Variants in SCUBE2 observed in about 807,000 individuals in gnomAD.
The protein encoded by SCUBE2 is signal peptide, CUB and EGF-like domain-containing protein 2.
SCUBE2 carries 114 observed loss-of-function variants against 125.9 expected under a neutral mutation model. The ratio of observed to expected loss-of-function variants is 0.91; its 90% CI spans 0.78 to 1.06. The LOEUF (loss-of-function observed/expected upper bound fraction) is 1.06, where lower values mean the gene tolerates loss of function less well. Among genes scored for constraint, SCUBE2 ranks in the 50% least tolerant of loss-of-function variants. The pLI is 0.00. For missense variants in SCUBE2, 1,255 were observed against 1,301.8 expected, an observed-to-expected ratio of 0.96 and a Z score of 0.55; for synonymous variants, 459 against 492.9, an observed-to-expected ratio of 0.93 and a Z score of 0.91.
Position 9,053,081 on chromosome 11 carries a change from G to C in SCUBE2, c.1447+18C>G. 1 of 1,604,148 alleles carries C rather than the reference G, an allele frequency of 6.2e-7. No homozygotes were observed. The highest frequency in any genetic ancestry group is 8.5e-7 in the Non-Finnish European group (1 of 1,170,994). On this transcript the variant is annotated intron_variant, in intron 12 of 22. Coordinates refer to ENST00000649792, the MANE Select transcript of SCUBE2 (RefSeq NM_001367977.2). ...GCCCCAGTGTGAGGACCTGCCCCGG[G>C]AACTGGGCCCCACTCACCTGAAGAG...
Position 9,091,256 on chromosome 11 carries a change from G to C in SCUBE2, c.133+140C>G, listed in dbSNP as rs112006375. 7.5e-6 allele frequency: 4 copies of C among 532,300 alleles called. No individual in the cohort carries two copies. The highest frequency in any genetic ancestry group is 9.3e-5 in the South Asian group (1 of 10,720). 33.0% of individuals were successfully genotyped at this position (532,300 alleles called of 1,614,324 possible). A position where few individuals can be genotyped will look rare whatever the true frequency, so the allele number is the denominator to read the frequency against. ...TGGCCCGGCCGGCGGGTGAGGTCCC[G>C]GGGGGAGCAGAGGCCCCCGCGGAGC... On this transcript the variant is annotated intron_variant, in intron 1 of 22. Coordinates refer to ENST00000649792, the MANE Select transcript of SCUBE2 (RefSeq NM_001367977.2). This position sits in a 1 kb window ranked among gnomAD's most constrained non-coding sequence, Gnocchi z 8.5.
In SCUBE2 at chr11:9,080,425, G is replaced by C. The variant is rs1436962634; in HGVS notation, c.257-916C>G. On this transcript the variant is annotated intron_variant, in intron 2 of 22. Transcript: ENST00000649792. ...GGGTGCACTTTGGGAGCCTGAGCCA[G>C]GAGGATCAATTGAGCCCAGGAGTTG... Among the ~76,000 whole-genome samples the C allele has an allele frequency of 7.9e-5, 12 of 152,154 alleles. No individual in the cohort carries two copies. In the South Asian group the frequency reaches 2.1e-3, roughly 26 times the overall value.
At chr11:9,060,623 G>T (rs1859586422) in intron 7 of SCUBE2, 99 bp from the exon 8 acceptor site, 1 of 929,058 alleles carries the variant, frequency 1.1e-6, no homozygotes, top group Non-Finnish European at 1.7e-6. Flanking sequence ...GGTACTCATG[G>T]TCATACCCCA....
Position 9,090,489 on chromosome 11 carries a change from A to ATTTATTTTT in SCUBE2, c.134-661_134-660insAAAAATAAA, listed in dbSNP as rs377724235. ...AGATTTTTTTTTTATTTATTTATTT[A>ATTTATTTTT]TTTTTTTTTTTTGCTCATCAGCTGT... On this transcript the variant is annotated intron_variant, in intron 1 of 22. Transcript: ENST00000649792. 95 of 141,970 alleles carry ATTTATTTTT rather than the reference A, an allele frequency of 6.7e-4. 1 individual carries two copies. The highest frequency in any genetic ancestry group is 3.6e-3 in the East Asian group (15 of 4,198). 8.8% of individuals were successfully genotyped at this position (141,970 alleles called of 1,614,324 possible). A position where few individuals can be genotyped will look rare whatever the true frequency, so the allele number is the denominator to read the frequency against.
At chr11:9,037,353 G>C (rs915051235) in intron 16 of SCUBE2, among the ~76,000 whole-genome samples, 3 of 152,154 alleles carry the variant, frequency 2.0e-5, no homozygotes, top group African/African-American at 7.2e-5. Flanking sequence ...AAAAAGATAC[G>C]AGAAAGCTTT....
At chr11:9,066,853 T>G in intron 5 of SCUBE2, 40 bp from the exon 6 acceptor site, 12 of 1,504,610 alleles carry the variant, frequency 8.0e-6, no homozygotes, top group Non-Finnish European at 1.0e-5. Context: ...CACTGAGATT[T>G]CCACAAACAC....
intron 3 of SCUBE2, among the ~76,000 whole-genome samples, chr11:9,077,158 A>G (rs1279547491): frequency 6.6e-6 from 1 of 152,226 alleles, no homozygotes; most frequent in Non-Finnish European, 1.5e-5. Context: ...GAGCTTCTCC[A>G]GACCATAAAA....
chr11:9,052,869 A>T lies in SCUBE2; in HGVS notation c.1448-37T>A, dbSNP rs118044745. On this transcript the variant is annotated intron_variant, in intron 12 of 22. Coordinates refer to ENST00000649792, the MANE Select transcript of SCUBE2 (RefSeq NM_001367977.2). Reference sequence around the variant, plus strand: ...AATGTCAATTGTCAAATGCATAAGCAAGGTCACAGGCTATCCTGGTAGCAG... The same window carrying T: ...AATGTCAATTGTCAAATGCATAAGCTAGGTCACAGGCTATCCTGGTAGCAG... 1.5e-3 allele frequency: 2,212 copies of T among 1,472,350 alleles called. 6 individuals carry two copies. Among genetic ancestry groups the T allele is most frequent in the South Asian group, 4.3e-3 (357 of 82,590 alleles). The allele number at this position is 1,472,350 out of a possible 1,614,324, so 91.2% of individuals were successfully genotyped here. A position where few individuals can be genotyped will look rare whatever the true frequency, so the allele number is the denominator to read the frequency against.
chr11:9,054,725 A>ATATAT (rs1368153935), intron 10 of SCUBE2, among the ~76,000 whole-genome samples: 5 of 22,348 alleles, frequency 2.2e-4, no homozygotes, highest in East Asian at 3.2e-3. Context: ...ATATATATAT[A>ATATAT]TTTTTTTTTT....
At chr11:9,052,720 A>G in intron 13 of SCUBE2, 26 bp downstream of exon 13, 1 of 1,499,366 alleles carries the variant, frequency 6.7e-7, no homozygotes. Flanking sequence ...GAGCCCCCAG[A>G]GAGAACACGC....
Position 9,091,134 on chromosome 11 carries a change from G to A in SCUBE2, c.133+262C>T, listed in dbSNP as rs912356702. Reference sequence around the variant, plus strand: ...CTCGCCGGCGACGGTCTGACTAGCAGGCGCTCTGGAGGCATCCGGACCGGG... The same window carrying A: ...CTCGCCGGCGACGGTCTGACTAGCAAGCGCTCTGGAGGCATCCGGACCGGG... On this transcript the variant is annotated intron_variant, in intron 1 of 22. Transcript: ENST00000649792. The surrounding 1 kb of genome is among the most constrained non-coding windows in gnomAD (Gnocchi z 8.5). 6.6e-6 allele frequency among the ~76,000 whole-genome samples: 1 copy of A among 152,202 alleles called. No individual in the cohort carries two copies. Among genetic ancestry groups the A allele is most frequent in the African/African-American group, 2.4e-5 (1 of 41,460 alleles).
At chr11:9,089,241 C>T (rs1218366802) in intron 2 of SCUBE2, among the ~76,000 whole-genome samples, 3 of 152,164 alleles carry the variant, frequency 2.0e-5, no homozygotes, top group Admixed American at 6.5e-5. Flanking sequence ...CGTCACAATG[C>T]CAAACATTGT....
chr11:9,048,046 G>C lies in SCUBE2; in HGVS notation c.1692C>G (p.Ser564Arg), dbSNP rs1351317278. The C allele has an allele frequency of 6.2e-7, 1 of 1,614,174 alleles. No individual in the cohort carries two copies. The highest frequency in any genetic ancestry group is 1.7e-5 in the Admixed American group (1 of 60,030). Residue 564 changes from serine (S) to arginine (R), a missense_variant, in exon 15 of 23, where the codon AGC becomes AGG. This residue lies in a region of SCUBE2 where 378 missense variants were observed against 463.1 expected (regional missense o/e 0.82). Coordinates refer to ENST00000649792, the MANE Select transcript of SCUBE2 (RefSeq NM_001367977.2). ...ESFRYVNLTC[S>R]SGKQVPGAPG... ...GGGCTCCTGGGACTTGCTTGCCAGA[G>C]CTGCATGTAAGGTTTACGTAGCGGA...
chr11:9,021,828 G>T (rs202120189), intron 22 of SCUBE2, 48 bp downstream of exon 22: 3 of 1,373,848 alleles, frequency 2.2e-6, no homozygotes, highest in Admixed American at 3.3e-5. Flanking sequence ...AACAGTACTC[G>T]GGAAGCTCTG....
intron 16 of SCUBE2, among the ~76,000 whole-genome samples, chr11:9,041,423 C>T (rs77193562): frequency 0.02 from 2,971 of 152,136 alleles, 43 homozygotes; most frequent in Non-Finnish European, 0.032. Context: ...GGATTCAACC[C>T]TAGGATAATC....
chr11:9,034,447 G>A (rs1156552159), intron 16 of SCUBE2, among the ~76,000 whole-genome samples: 1 of 152,190 alleles, frequency 6.6e-6, no homozygotes, highest in Non-Finnish European at 1.5e-5. Flanking sequence ...GTCAGGCATG[G>A]TGGTGTGCGT....
chr11:9,065,895 G>A lies in SCUBE2; in HGVS notation c.846C>T (p.Leu282=), dbSNP rs1290549528. The A allele has an allele frequency of 5.6e-6, 9 of 1,613,836 alleles. No individual in the cohort carries two copies. Among genetic ancestry groups the A allele is most frequent in the African/African-American group, 1.3e-5 (1 of 74,918 alleles). ...DGDKRVKRRL[L]METCAVNNGG... ...AAAGGGAGTGAAGGTGCCTACCCAT[G>A]AGCAGCCGCCGTTTCACCCGTTTAT... Residue 282 remains leucine, a synonymous_variant, in exon 7 of 23, where the codon CTC becomes CTT. Coordinates refer to ENST00000649792, the MANE Select transcript of SCUBE2 (RefSeq NM_001367977.2).
intron 9 of SCUBE2, among the ~76,000 whole-genome samples, chr11:9,057,657 T>C (rs1462965055): frequency 2.0e-5 from 3 of 151,084 alleles, no homozygotes; most frequent in Non-Finnish European, 4.4e-5. Context: ...TAGCTGGGAT[T>C]ACAGGTGCCC....
intron 7 of SCUBE2, chr11:9,064,455 G>C (rs1860003653): frequency 7.0e-6 from 1 of 143,070 alleles, no homozygotes; most frequent in African/African-American, 2.6e-5. Flanking sequence ...GCAACAGAGT[G>C]AGACTCTGTC....
Sources: gnomAD v4.1 joint callset for allele counts (sites outside exome capture counted in the v4.1 genomes callset) on GRCh38, gnomAD v4.1.1 for gene constraint, gnomAD v4.1.1 regional missense constraint, Gnocchi (gnomAD v3.1) non-coding constraint, MANE v1.5 for transcripts, NCBI Gene and HGNC (gene_info 2026-07-23, HGNC 2026-07-21) for gene names.